The following STEAP1B variants were observed in gnomAD, a reference collection of about 807,000 sequenced individuals.
STEAP1B encodes STEAP family protein MGC87042.
STEAP1B carries 13 observed loss-of-function variants against 27.9 expected under a neutral mutation model. That is an observed-to-expected ratio of 0.47 (90% CI 0.30 to 0.74). The LOEUF is 0.74. Among genes scored for constraint, STEAP1B ranks in the 30% least tolerant of loss-of-function variants. The pLI, the probability that STEAP1B is intolerant of heterozygous loss-of-function variation, is 0.06. For missense variants in STEAP1B, 250 were observed against 298.7 expected, an observed-to-expected ratio of 0.84 and a Z score of 1.20; for synonymous variants, 86 against 107.1, an observed-to-expected ratio of 0.80 and a Z score of 1.22.
At chr7:22,438,341 T>C in intron 4 of STEAP1B, 2 of 946,378 alleles carry the variant, frequency 2.1e-6, no homozygotes, top group Non-Finnish European at 1.5e-6. Flanking sequence ...TTTATTTTTC[T>C]ACATAATACT....
At chr7:22,477,606 C>A (rs1221587817) in intron 4 of STEAP1B, among the ~76,000 whole-genome samples, 3 of 152,190 alleles carry the variant, frequency 2.0e-5, no homozygotes, top group Admixed American at 2.0e-4. Flanking sequence ...GCAAATATTA[C>A]GAATTTCATT....
chr7:22,428,284 G>A (rs957868264), intron 4 of STEAP1B, among the ~76,000 whole-genome samples: 14 of 152,178 alleles, frequency 9.2e-5, no homozygotes, highest in African/African-American at 2.9e-4. Flanking sequence ...ATGCCAATAC[G>A]CTTTGATAAA....
At chr7:22,465,939 G>A (rs756406164) in intron 4 of STEAP1B, among the ~76,000 whole-genome samples, 22 of 152,160 alleles carry the variant, frequency 1.4e-4, no homozygotes, top group Non-Finnish European at 1.9e-4. Context: ...TCGATCTCCC[G>A]CATGGCTCAT....
At chr7:22,437,588 A>G (rs1562567706) in intron 4 of STEAP1B, among the ~76,000 whole-genome samples, 1 of 152,240 alleles carries the variant, frequency 6.6e-6, no homozygotes, top group Non-Finnish European at 1.5e-5. Context: ...TCTCTTGGAC[A>G]TACTGATTTC....
At chr7:22,424,925 A>G (rs1290134538) in intron 4 of STEAP1B, among the ~76,000 whole-genome samples, 23 of 151,728 alleles carry the variant, frequency 1.5e-4, no homozygotes, top group Admixed American at 1.5e-3. Context: ...AGGATACAGG[A>G]TCATTTCAAT....
chr7:22,460,209 G>A (rs1003375086), intron 4 of STEAP1B, among the ~76,000 whole-genome samples: 1 of 151,838 alleles, frequency 6.6e-6, no homozygotes, highest in African/African-American at 2.4e-5. Context: ...CTAGCTATGG[G>A]GTAGGGTTGG....
chr7:22,442,768 T>C (rs192754286), intron 4 of STEAP1B, among the ~76,000 whole-genome samples: 1 of 152,302 alleles, frequency 6.6e-6, no homozygotes, highest in East Asian at 1.9e-4. Context: ...GAGGCAAGGC[T>C]GAGAGAGGCA....
At chr7:22,496,483 C>T (rs1257121038) in intron 1 of STEAP1B, among the ~76,000 whole-genome samples, 1 of 152,160 alleles carries the variant, frequency 6.6e-6, no homozygotes, top group Non-Finnish European at 1.5e-5. Flanking sequence ...CACTGACTCA[C>T]CCAGAACAAC....
intron 4 of STEAP1B, among the ~76,000 whole-genome samples, chr7:22,477,882 A>G (rs775627746): frequency 6.6e-6 from 1 of 152,182 alleles, no homozygotes; most frequent in Non-Finnish European, 1.5e-5. Context: ...GGGTCCCATG[A>G]GCGAGCTACT....
At chr7:22,420,912 C>A (rs764470953) in intron 4 of STEAP1B, among the ~76,000 whole-genome samples, 1 of 152,216 alleles carries the variant, frequency 6.6e-6, no homozygotes, top group Non-Finnish European at 1.5e-5. Context: ...CCAGACCCCA[C>A]AGCAAACAAG....
intron 4 of STEAP1B, among the ~76,000 whole-genome samples, chr7:22,475,729 C>A (rs1030824466): frequency 6.6e-6 from 1 of 152,190 alleles, no homozygotes; most frequent in Non-Finnish European, 1.5e-5. Flanking sequence ...GAGTGACCAA[C>A]CCAGAGATTT....
At chr7:22,492,383 C>T in intron 4 of STEAP1B, 182 bp downstream of exon 4, 1 of 352,194 alleles carries the variant, frequency 2.8e-6, no homozygotes, top group Admixed American at 6.6e-5. Context: ...GTCTAGGAAA[C>T]ACTTGTCCTA....
chr7:22,453,052 G>A (rs1211962847), intron 4 of STEAP1B, among the ~76,000 whole-genome samples: 2 of 152,158 alleles, frequency 1.3e-5, no homozygotes, highest in Non-Finnish European at 2.9e-5. Context: ...ATTGGCACAT[G>A]TTCCCCCTTC....
chr7:22,488,035 G>C (rs1021727750), intron 4 of STEAP1B, among the ~76,000 whole-genome samples: 2 of 152,110 alleles, frequency 1.3e-5, no homozygotes, highest in African/African-American at 4.8e-5. Flanking sequence ...AATCTGAAAA[G>C]TGACTACTCC....
At chr7:22,449,341 C>G (rs554657583) in intron 4 of STEAP1B, among the ~76,000 whole-genome samples, 1 of 152,184 alleles carries the variant, frequency 6.6e-6, no homozygotes. Flanking sequence ...ACTCTATCTC[C>G]ATGAGTTCAA....
At chr7:22,499,765 G>A (rs1786503636) in intron 1 of STEAP1B, among the ~76,000 whole-genome samples, 1 of 152,160 alleles carries the variant, frequency 6.6e-6, no homozygotes, top group African/African-American at 2.4e-5. Flanking sequence ...AGCAAACTCT[G>A]GCGACTTTGC....
At chr7:22,489,550 G>A (rs1786281229) in intron 4 of STEAP1B, among the ~76,000 whole-genome samples, 1 of 152,184 alleles carries the variant, frequency 6.6e-6, no homozygotes, top group African/African-American at 2.4e-5. Context: ...AAGCCCACAG[G>A]ACTGGTTTCC....
intron 4 of STEAP1B, among the ~76,000 whole-genome samples, chr7:22,463,099 C>T (rs1026957365): frequency 4.7e-4 from 71 of 152,232 alleles, no homozygotes; most frequent in African/African-American, 1.6e-3. Flanking sequence ...TAAGCAACTT[C>T]AGCAAAGTCT....
intron 4 of STEAP1B, among the ~76,000 whole-genome samples, chr7:22,465,980 C>G (rs774336727): frequency 2.0e-5 from 3 of 152,120 alleles, no homozygotes; most frequent in Non-Finnish European, 4.4e-5. Flanking sequence ...GGCTCAGACA[C>G]TTATCATTGA....
Sources: allele counts gnomAD v4.1 joint callset (sites outside exome capture counted in the v4.1 genomes callset), GRCh38; gene constraint gnomAD v4.1.1; transcripts MANE v1.5; gene names NCBI Gene and HGNC (gene_info 2026-07-23, HGNC 2026-07-21).